Variants in MAP4K1 observed in about 807,000 individuals in gnomAD.
MAP4K1 encodes mitogen-activated protein kinase kinase kinase kinase 1, also known as MAPK/ERK kinase kinase kinase 1.
In MAP4K1, 35 loss-of-function variants were observed where a neutral mutation model predicts 122.8. The observed-to-expected ratio is 0.29, with a 90% confidence interval of 0.22 to 0.38. MAP4K1 has a LOEUF of 0.38. Ranked by LOEUF, MAP4K1 falls within the 10% of genes least tolerant of loss-of-function variation. The pLI is 1.00. For missense variants in MAP4K1, 791 were observed against 1,072.6 expected (o/e 0.74, Z 3.67); for synonymous variants, 412 against 421.3 (o/e 0.98, Z 0.27).
rs1007666795 is a variant in MAP4K1, at chr19:38,604,694, G to A, written c.1446+715C>T. 4.0e-5 allele frequency among the ~76,000 whole-genome samples: 6 copies of A among 151,846 alleles called. No homozygotes were observed. In the Admixed American group the frequency reaches 4.0e-4, roughly 10 times the overall value. ...AGTCCCAGCTACTCGGGAGGCTGAGGCAGGAGAATGGTGTGAACCTGGGAG... is the reference window on the plus strand; with the variant it reads ...AGTCCCAGCTACTCGGGAGGCTGAGACAGGAGAATGGTGTGAACCTGGGAG... On this transcript the variant is annotated intron_variant, in intron 19 of 30. Transcript: ENST00000396857.
intron 29 of MAP4K1, among the ~76,000 whole-genome samples, chr19:38,593,831 A>G (rs1157143793): frequency 6.6e-6 from 1 of 152,094 alleles, no homozygotes; most frequent in Non-Finnish European, 1.5e-5. Flanking sequence ...CAATGAGCCA[A>G]GATTGTGCCA....
At chr19:38,607,937 G>A (rs1440945527) in intron 15 of MAP4K1, 26 bp from the exon 16 acceptor site, 1 of 1,612,134 alleles carries the variant, frequency 6.2e-7, no homozygotes, top group Non-Finnish European at 8.5e-7. Context: ...TATGAGCCTT[G>A]GGGGCCTTGT....
At position 38,595,626 on chromosome 19, in the gene MAP4K1, G is replaced by A. The variant is rs773820232; in HGVS notation, c.2269+14C>T. On this transcript the variant is annotated intron_variant, in intron 28 of 30. Transcript: ENST00000396857. ...TCCACCCCTGATCCTGGGCTCTCCC[G>A]TCCCTGCACAGACCCACGGCCTCCA... is the stretch of plus-strand genomic sequence containing the variant. 5.6e-5 allele frequency: 91 copies of A among 1,613,782 alleles called. No homozygotes were observed. The South Asian group carries it at 8.3e-4, about 15-fold the overall frequency.
intron 19 of MAP4K1, 53 bp downstream of exon 19, chr19:38,605,356 G>T: frequency 2.9e-6 from 2 of 688,570 alleles, no homozygotes; most frequent in Non-Finnish European, 5.0e-6. Flanking sequence ...CACCCCACCA[G>T]GCATCCCCAG....
chr19:38,609,079 A>T (rs1401344094), intron 13 of MAP4K1, among the ~76,000 whole-genome samples: 1 of 152,106 alleles, frequency 6.6e-6, no homozygotes, highest in Non-Finnish European at 1.5e-5. Flanking sequence ...TGAGGTTCTG[A>T]TGAGATTTCT....
chr19:38,613,840 C>A (rs763911932), intron 8 of MAP4K1, 40 bp downstream of exon 8: 1 of 1,521,692 alleles, frequency 6.6e-7, no homozygotes, highest in Non-Finnish European at 8.9e-7. Context: ...AAACCACTGA[C>A]CCCCACTCCA....
chr19:38,606,776 C>T (rs536026708), intron 16 of MAP4K1, among the ~76,000 whole-genome samples: 2 of 152,196 alleles, frequency 1.3e-5, no homozygotes, highest in African/African-American at 2.4e-5. Context: ...CAGTGCACCA[C>T]GGCTTTGCAC....
At chr19:38,601,741 TTTC>T in intron 19 of MAP4K1, 1 of 529,114 alleles carries the variant, frequency 1.9e-6, no homozygotes, top group Non-Finnish European at 3.3e-6. Context: ...TTGTTATATA[TTTC>T]TTTTTTTAGT....
chr19:38,602,941 CAT>C (rs1287031861), intron 19 of MAP4K1, among the ~76,000 whole-genome samples: 1 of 144,164 alleles, frequency 6.9e-6, no homozygotes, highest in Admixed American at 7.3e-5. Context: ...CATATATACA[CAT>C]ACATATATAC....
intron 19 of MAP4K1, among the ~76,000 whole-genome samples, chr19:38,603,013 C>CATATACATGTATACAT (rs1444572223): frequency 2.1e-5 from 3 of 145,896 alleles, no homozygotes; most frequent in Non-Finnish European, 3.0e-5. Context: ...TATATACACA[C>CATATACATGTATACAT]ATATACATGT....
intron 26 of MAP4K1, 102 bp downstream of exon 26, chr19:38,596,210 T>G (rs1011790106): frequency 2.0e-5 from 29 of 1,439,130 alleles, no homozygotes; most frequent in Non-Finnish European, 1.8e-5. Flanking sequence ...TTCCAGCCCT[T>G]TCTCAGTCCC....
At position 38,611,145 on chromosome 19, in the gene MAP4K1, A is replaced by C. The variant is rs757192473; in HGVS notation, c.729-13T>G. The C allele has an allele frequency of 5.0e-6, 8 of 1,612,814 alleles. No homozygotes were observed. In the South Asian group the frequency reaches 6.6e-5, roughly 13 times the overall value. ...GAAGGCAGCCGACCTTGGGAAGAAGAAGCCAGGTTCTGGATGAGGGGACCA... is the reference window on the plus strand; with the variant it reads ...GAAGGCAGCCGACCTTGGGAAGAAGCAGCCAGGTTCTGGATGAGGGGACCA... On this transcript the variant is annotated splice_polypyrimidine_tract_variant and intron_variant, in intron 10 of 30. Transcript: ENST00000396857.
At chr19:38,613,524 C>T (rs1243234146) in intron 8 of MAP4K1, among the ~76,000 whole-genome samples, 2 of 151,276 alleles carry the variant, frequency 1.3e-5, no homozygotes, top group African/African-American at 4.9e-5. Flanking sequence ...GACCCTGTCT[C>T]TAAAAACAAA....
In MAP4K1 at chr19:38,587,705, G is replaced by C. The variant is rs1454255312; in HGVS notation, c.*43C>G. The C allele has an allele frequency of 2.8e-6, 4 of 1,428,616 alleles. No homozygotes were observed. Among genetic ancestry groups the C allele is most frequent in the African/African-American group, 1.4e-5 (1 of 71,198 alleles). The allele number at this position is 1,428,616 out of a possible 1,614,324, so 88.5% of individuals were successfully genotyped here. Reference sequence around the variant, plus strand: ...GCCATGACCACTAGTGTGTCTATGGGGGAGGGGGTGCAAGGACTAGTTCCT... The same window carrying C: ...GCCATGACCACTAGTGTGTCTATGGCGGAGGGGGTGCAAGGACTAGTTCCT... On this transcript the variant is annotated 3_prime_UTR_variant, in exon 31 of 31. Transcript: ENST00000396857.
At chr19:38,615,090 A>G (rs1975610954) in intron 4 of MAP4K1, among the ~76,000 whole-genome samples, 1 of 152,198 alleles carries the variant, frequency 6.6e-6, no homozygotes, top group East Asian at 1.9e-4. Flanking sequence ...AGAGGTGGTC[A>G]GTCAGGGCTG....
intron 29 of MAP4K1, 39 bp downstream of exon 29, chr19:38,595,446 T>G: frequency 6.2e-7 from 1 of 1,606,296 alleles, no homozygotes; most frequent in South Asian, 1.1e-5. Flanking sequence ...TGATGGAGGC[T>G]GGGGGGCAGT....
At chr19:38,603,896 A>T (rs1419138054) in intron 19 of MAP4K1, among the ~76,000 whole-genome samples, 1 of 151,720 alleles carries the variant, frequency 6.6e-6, no homozygotes, top group African/African-American at 2.4e-5. Context: ...AGGCAGGAGG[A>T]TCACTTAGAC....
At chr19:38,611,618 A>AT (rs869035452) in intron 9 of MAP4K1, among the ~76,000 whole-genome samples, 114 of 150,692 alleles carry the variant, frequency 7.6e-4, no homozygotes, top group African/African-American at 2.6e-3. Context: ...CAAAAAAAAA[A>AT]TTTTTTTTTT....
At position 38,601,438 on chromosome 19, in the gene MAP4K1, C is replaced by T. The variant is rs1975060672; in HGVS notation, c.1531+3G>A. ...GATCTCCTTGACCCTCCAGAATGCC[C>T]ACCCTTGGTGGAGGGATGTGTCCAG... On this transcript the variant is annotated splice_donor_region_variant and intron_variant, in intron 20 of 30. Transcript: ENST00000396857. The T allele has an allele frequency of 6.2e-7, 1 of 1,605,048 alleles. No individual in the cohort carries two copies.
Sources: gnomAD v4.1 joint callset for allele counts (sites outside exome capture counted in the v4.1 genomes callset) on GRCh38, gnomAD v4.1.1 for gene constraint, MANE v1.5 for transcripts, NCBI Gene and HGNC (gene_info 2026-07-23, HGNC 2026-07-21) for gene names.